R3HDM2: variants seen among roughly 807,000 people sequenced by gnomAD.
The protein encoded by R3HDM2 is R3H domain containing 2.
A neutral mutation model predicts 124.5 loss-of-function variants in R3HDM2; 38 were observed. The observed-to-expected ratio is 0.31, with a 90% confidence interval of 0.24 to 0.40. R3HDM2 has a LOEUF of 0.40. R3HDM2 is among the 10% of genes least tolerant of loss of function. The pLI is 1.00. For synonymous variants in R3HDM2, 391 were observed against 448.0 expected, an observed-to-expected ratio of 0.87 and a Z score of 1.61; for missense variants, 869 against 1,236.9, an observed-to-expected ratio of 0.70 and a Z score of 4.46.
Position 57,296,115 on chromosome 12 carries a change from G to A in R3HDM2, c.701+296C>T, listed in dbSNP as rs977460294. Among the ~76,000 whole-genome samples the A allele has an allele frequency of 1.3e-5, 2 of 152,002 alleles. No homozygotes were observed. The highest frequency in any genetic ancestry group is 2.1e-4 in the South Asian group (1 of 4,822). ...GAACTCCTGACCTTATGATCCACCC[G>A]CCTCGGCCTCCCAAAGTGCTGGGAT... On this transcript the variant is annotated intron_variant, in intron 9 of 23. Transcript: ENST00000402412. The surrounding 1 kb of genome is among the most constrained non-coding windows in gnomAD (Gnocchi z 4.5).
chr12:57,355,660 T>C (rs74667026), intron 2 of R3HDM2, among the ~76,000 whole-genome samples: 1,756 of 152,250 alleles, frequency 0.012, 32 homozygotes, highest in African/African-American at 0.04. Flanking sequence ...ATTTTCAAAC[T>C]TGTTTTGTCT....
chr12:57,340,091 A>G (rs1271846851), intron 2 of R3HDM2, among the ~76,000 whole-genome samples: 4 of 152,358 alleles, frequency 2.6e-5, no homozygotes, highest in African/African-American at 9.6e-5. Context: ...TGAAATAAAA[A>G]GAACTTTTGG....
intron 21 of R3HDM2, among the ~76,000 whole-genome samples, chr12:57,257,046 T>C (rs1002176181): frequency 1.3e-3 from 197 of 152,270 alleles, no homozygotes; most frequent in Non-Finnish European, 4.4e-4. Flanking sequence ...CTTGAACTCC[T>C]GACCTCAGGT....
chr12:57,296,511 G>A lies in R3HDM2; in HGVS notation c.601C>T (p.Arg201Trp), dbSNP rs1383650118. Residue 201 changes from arginine to tryptophan, a missense_variant, in exon 9 of 24, where the codon CGG becomes TGG. Transcript: ENST00000402412. The surrounding 1 kb of genome is among the most constrained non-coding windows in gnomAD (Gnocchi z 4.5). ...KKFPQMTSYH[R>W]MLLHRVAAYF... The stretch of plus-strand genomic sequence containing the variant: ...GCAGCTACCCGGTGTAATAGCATCC[G>A]GTGATATGAGGTCATCTGAGGGAAC... 1.9e-6 allele frequency: 3 copies of A among 1,551,904 alleles called. No individual in the cohort carries two copies. The highest frequency in any genetic ancestry group is 2.0e-5 in the Admixed American group (1 of 50,990).
Position 57,358,304 on chromosome 12 carries a change from A to C in R3HDM2, c.-36+37445T>G, listed in dbSNP as rs978074146. On this transcript the variant is annotated intron_variant, in intron 2 of 23. Coordinates refer to ENST00000402412, the MANE Select transcript of R3HDM2 (RefSeq NM_001394031.1). ...GCCCAGCCAAATTTAGGATTTAAAT[A>C]CACAAAGTATGTTTTGTCATAAAGG... Among the ~76,000 whole-genome samples the C allele has an allele frequency of 2.0e-5, 3 of 152,068 alleles. 1 individual carries two copies. In the South Asian group the frequency reaches 6.2e-4, roughly 31 times the overall value.
At chr12:57,266,107 T>C (rs1462263647) in intron 19 of R3HDM2, among the ~76,000 whole-genome samples, 7 of 128,982 alleles carry the variant, frequency 5.4e-5, no homozygotes, top group Non-Finnish European at 9.8e-5. Context: ...ATAATTTTTC[T>C]TTTTTTTTTT....
intron 1 of R3HDM2, among the ~76,000 whole-genome samples, chr12:57,412,369 T>C (rs916934808): frequency 4.0e-5 from 6 of 151,424 alleles, no homozygotes; most frequent in Non-Finnish European, 7.4e-5. Flanking sequence ...TTGTGAAACC[T>C]TGTCCCTACT....
intron 18 of R3HDM2, among the ~76,000 whole-genome samples, chr12:57,267,370 C>A (rs1317753591): frequency 2.0e-5 from 3 of 152,212 alleles, no homozygotes; most frequent in African/African-American, 7.2e-5. Context: ...ACCTGGCCAA[C>A]ATGGCGAAAC....
chr12:57,328,609 T>G (rs2057666506), intron 2 of R3HDM2, among the ~76,000 whole-genome samples: 1 of 152,314 alleles, frequency 6.6e-6, no homozygotes, highest in Non-Finnish European at 1.5e-5. Flanking sequence ...GCAATCATAG[T>G]GTCCCACAGC....
At chr12:57,408,319 G>T (rs1258620737) in intron 1 of R3HDM2, among the ~76,000 whole-genome samples, 1 of 152,076 alleles carries the variant, frequency 6.6e-6, no homozygotes, top group Admixed American at 6.6e-5. Context: ...CTCCCACTTC[G>T]GACTCCCAAA....
chr12:57,280,247 GTC>G, intron 14 of R3HDM2, 109 bp downstream of exon 14: 4 of 1,133,504 alleles, frequency 3.5e-6, no homozygotes, highest in Non-Finnish European at 4.8e-6. Context: ...AGAGTGGCAT[GTC>G]TCCAAAAACT....
At chr12:57,306,574 A>C (rs1040214552) in intron 3 of R3HDM2, among the ~76,000 whole-genome samples, 2 of 151,870 alleles carry the variant, frequency 1.3e-5, no homozygotes, top group African/African-American at 4.8e-5. Context: ...ACACCCAGCT[A>C]ATTTTTTTGT....
intron 19 of R3HDM2, among the ~76,000 whole-genome samples, chr12:57,260,263 C>CAAAAAAAAAAAAAAAAAAA (rs566868060): frequency 0.02 from 623 of 31,532 alleles, 167 homozygotes; most frequent in Non-Finnish European, 0.025. Flanking sequence ...GACCCTGCCT[C>CAAAAAAAAAAAAAAAAAAA]AAAAAAAAAA....
intron 2 of R3HDM2, among the ~76,000 whole-genome samples, chr12:57,315,857 C>A (rs900997079): frequency 3.3e-5 from 5 of 152,212 alleles, no homozygotes; most frequent in Admixed American, 6.5e-5. Flanking sequence ...TGTTGGCTCA[C>A]GCCTACAGTC....
intron 19 of R3HDM2, among the ~76,000 whole-genome samples, chr12:57,263,913 T>G (rs969933537): frequency 2.0e-5 from 3 of 152,040 alleles, no homozygotes; most frequent in African/African-American, 7.2e-5. Context: ...ATAGGGAAAA[T>G]TGACAAAATA....
chr12:57,311,872 A>G (rs990666801), intron 2 of R3HDM2, among the ~76,000 whole-genome samples: 1 of 152,296 alleles, frequency 6.6e-6, no homozygotes, highest in Non-Finnish European at 1.5e-5. Flanking sequence ...ATCACTTACT[A>G]TCACTACCTG....
chr12:57,326,908 A>T (rs952511953), intron 2 of R3HDM2, among the ~76,000 whole-genome samples: 2 of 152,198 alleles, frequency 1.3e-5, no homozygotes, highest in Admixed American at 1.3e-4. Context: ...AAAATAGAAC[A>T]AAGAAACCTG....
Position 57,381,033 on chromosome 12 carries a change from C to G in R3HDM2, c.-36+14716G>C, listed in dbSNP as rs139741158. On this transcript the variant is annotated intron_variant, in intron 2 of 23. Coordinates refer to ENST00000402412, the MANE Select transcript of R3HDM2 (RefSeq NM_001394031.1). ...TCACCTGAGGTCAGGCATTCGAGAC[C>G]AGCCTGGCTAACATGGTGAAACCCC... Among the ~76,000 whole-genome samples the G allele has an allele frequency of 6.0e-3, 905 of 151,506 alleles. 1 individual carries two copies. The highest frequency in any genetic ancestry group is 0.01 in the Middle Eastern group (3 of 288).
intron 2 of R3HDM2, among the ~76,000 whole-genome samples, chr12:57,342,005 A>C (rs1176448469): frequency 6.6e-6 from 1 of 152,222 alleles, no homozygotes; most frequent in Non-Finnish European, 1.5e-5. Flanking sequence ...AAAATGCCTA[A>C]AACACCTTCA....
Sources: gnomAD v4.1 joint callset for allele counts (sites outside exome capture counted in the v4.1 genomes callset) on GRCh38, gnomAD v4.1.1 for gene constraint, Gnocchi (gnomAD v3.1) non-coding constraint, MANE v1.5 for transcripts, NCBI Gene and HGNC (gene_info 2026-07-23, HGNC 2026-07-21) for gene names.